Variants in HADHB observed in about 807,000 individuals in gnomAD.
HADHB encodes hydroxyacyl-CoA dehydrogenase trifunctional multienzyme complex subunit beta, also known as trifunctional enzyme subunit beta, mitochondrial.
HADHB carries 50 observed loss-of-function variants against 61.9 expected under a neutral mutation model. That is an observed-to-expected ratio of 0.81 (90% CI 0.64 to 1.02). HADHB has a LOEUF of 1.02. Among genes scored for constraint, HADHB ranks in the 50% least tolerant of loss-of-function variants. HADHB has a pLI of 0.00. For synonymous variants in HADHB, 191 were observed against 201.6 expected (o/e 0.95, Z 0.45); for missense variants, 504 against 586.5 (o/e 0.86, Z 1.45).
At position 26,284,944 on chromosome 2, in the gene HADHB, G is replaced by T. The variant is rs1385933339; in HGVS notation, c.1211G>T (p.Gly404Val). Residue 404 changes from glycine (G) to valine (V), a missense_variant, in exon 14 of 16, where the codon GGT becomes GTT. Transcript: ENST00000317799. ...GATTGGTTTGCAGAAAACTACATGGGTAGAAAAACCAAGGTGAGTTTCTAA... is the reference window on the plus strand; with the variant it reads ...GATTGGTTTGCAGAAAACTACATGGTTAGAAAAACCAAGGTGAGTTTCTAA... ...DSDWFAENYMGRKTKVGLPPL... is the reference protein window; with the variant it reads ...DSDWFAENYMVRKTKVGLPPL... 2 of 1,570,282 alleles carry T rather than the reference G, an allele frequency of 1.3e-6. No homozygotes were observed. Among genetic ancestry groups the T allele is most frequent in the African/African-American group, 1.3e-5 (1 of 74,080 alleles).
chr2:26,253,425 A>G (rs1671479281), intron 1 of HADHB, among the ~76,000 whole-genome samples: 1 of 152,184 alleles, frequency 6.6e-6, no homozygotes, highest in African/African-American at 2.4e-5. Context: ...AAAGCCTTCT[A>G]CATAATCATA....
chr2:26,283,987 C>G, intron 12 of HADHB, 130 bp from the exon 13 acceptor site: 1 of 666,048 alleles, frequency 1.5e-6, no homozygotes, highest in South Asian at 1.7e-5. Flanking sequence ...TTTCATTAAT[C>G]AGTACAGAAA....
intron 1 of HADHB, among the ~76,000 whole-genome samples, chr2:26,250,432 G>A (rs1014499084): frequency 2.6e-5 from 4 of 152,064 alleles, no homozygotes; most frequent in Admixed American, 2.6e-4. Context: ...ATTTTACTAT[G>A]TGTATATTTT....
chr2:26,274,371 G>A (rs934274129), intron 6 of HADHB, among the ~76,000 whole-genome samples: 1 of 152,192 alleles, frequency 6.6e-6, no homozygotes, highest in African/African-American at 2.4e-5. Context: ...ATTTAAAATC[G>A]ATTGGATGAA....
At chr2:26,245,808 C>G (rs1392624172) in intron 1 of HADHB, among the ~76,000 whole-genome samples, 1 of 152,080 alleles carries the variant, frequency 6.6e-6, no homozygotes, top group Non-Finnish European at 1.5e-5. Flanking sequence ...CACCTTCATA[C>G]CTTTTTGTTT....
chr2:26,276,278 T>C (rs991260575), intron 6 of HADHB, among the ~76,000 whole-genome samples: 6 of 152,258 alleles, frequency 3.9e-5, no homozygotes, highest in Admixed American at 2.6e-4. Flanking sequence ...TTAAAGCCGC[T>C]CAGATGACAA....
At chr2:26,269,917 G>A in intron 4 of HADHB, 36 bp from the exon 5 acceptor site, 3 of 1,469,808 alleles carry the variant, frequency 2.0e-6, no homozygotes, top group Non-Finnish European at 2.9e-6. Flanking sequence ...TGAAGCTCTA[G>A]GGTTTTGGTT....
intron 10 of HADHB, among the ~76,000 whole-genome samples, chr2:26,280,368 A>G (rs538007692): frequency 4.7e-4 from 72 of 152,224 alleles, no homozygotes; most frequent in Non-Finnish European, 6.6e-4. Flanking sequence ...AAAAACTTCT[A>G]TTGCTTATGG....
intron 4 of HADHB, among the ~76,000 whole-genome samples, chr2:26,267,269 T>G (rs758850764): frequency 9.2e-5 from 14 of 152,070 alleles, no homozygotes; most frequent in African/African-American, 1.2e-4. Context: ...GAAGAATGAT[T>G]AGGGCTGAGC....
Position 26,278,870 on chromosome 2 carries a change from C to T in HADHB, c.630+69C>T, listed in dbSNP as rs1359567271. ...ATTAGGTATGGCAGTGTGGACTCTG[C>T]TATGCTGTAATAGGTGTAGATTCTG... is the stretch of plus-strand genomic sequence containing the variant. On this transcript the variant is annotated intron_variant, in intron 8 of 15. Coordinates refer to ENST00000317799, the MANE Select transcript of HADHB (RefSeq NM_000183.3). The T allele has an allele frequency of 3.1e-6, 4 of 1,279,180 alleles. No homozygotes were observed. The African/African-American group carries it at 5.8e-5, about 19-fold the overall frequency. The allele number at this position is 1,279,180 out of a possible 1,614,324, so 79.2% of individuals were successfully genotyped here. A position where few individuals can be genotyped will look rare whatever the true frequency, so the allele number is the denominator to read the frequency against.
intron 1 of HADHB, among the ~76,000 whole-genome samples, chr2:26,253,177 T>G (rs1671468336): frequency 6.6e-6 from 1 of 152,210 alleles, no homozygotes; most frequent in African/African-American, 2.4e-5. Context: ...TGTTAGAAAT[T>G]TAGTCTTTTT....
intron 1 of HADHB, among the ~76,000 whole-genome samples, chr2:26,251,078 T>TTTTTTTTTTTTTTTTGAG (rs1553317741): frequency 6.7e-6 from 1 of 149,044 alleles, no homozygotes; most frequent in Non-Finnish European, 1.5e-5. Flanking sequence ...ACTAAATTCT[T>TTTTTTTTTTTTTTTTGAG]ACATACATGG....
intron 3 of HADHB, among the ~76,000 whole-genome samples, chr2:26,257,416 G>A (rs1455810784): frequency 3.3e-5 from 5 of 151,536 alleles, no homozygotes; most frequent in African/African-American, 7.3e-5. Context: ...CACCACACCC[G>A]GCCAAGAGCT....
At chr2:26,287,079 C>T (rs550867671) in intron 15 of HADHB, among the ~76,000 whole-genome samples, 1 of 151,952 alleles carries the variant, frequency 6.6e-6, no homozygotes, top group Admixed American at 6.5e-5. Flanking sequence ...TGGTGTGCGC[C>T]TGTAATTCCA....
chr2:26,285,739 G>GTTTTTTTTTTTTTTGTTTTTTTT (rs1553323308), intron 15 of HADHB, among the ~76,000 whole-genome samples, 168 bp downstream of exon 15: 8 of 65,082 alleles, frequency 1.2e-4, no homozygotes, highest in African/African-American at 2.0e-4. Flanking sequence ...TGTTTTTTGG[G>GTTTTTTTTTTTTTTGTTTTTTTT]TTTTTTTTTT....
chr2:26,245,820 G>A (rs1157317846), intron 1 of HADHB, among the ~76,000 whole-genome samples: 1 of 152,068 alleles, frequency 6.6e-6, no homozygotes, highest in African/African-American at 2.4e-5. Flanking sequence ...TTTTTGTTTA[G>A]TCCTCACATT....
chr2:26,267,788 A>AG (rs1558350094), intron 4 of HADHB, among the ~76,000 whole-genome samples: 1 of 151,614 alleles, frequency 6.6e-6, no homozygotes, highest in East Asian at 1.9e-4. Flanking sequence ...AAAAAAAAAA[A>AG]AGAGTAAATA....
rs1426206439 is a variant in HADHB at position 26,284,186 on chromosome 2, A to G, written c.1131A>G (p.Glu377=). The G allele has an allele frequency of 6.4e-7, 1 of 1,572,720 alleles. No homozygotes were observed. Among genetic ancestry groups the G allele is most frequent in the South Asian group, 1.1e-5 (1 of 90,232 alleles). Reference sequence around the variant, plus strand: ...CCATGAATGATATTGATGCTTTTGAATTTCATGAAGCTTTCTCGGTAAGTA... The same window carrying G: ...CCATGAATGATATTGATGCTTTTGAGTTTCATGAAGCTTTCTCGGTAAGTA... ...GLTMNDIDAF[E]FHEAFSGQIL... Residue 377 remains glutamate (E), a synonymous_variant, in exon 13 of 16, where the codon GAA becomes GAG. Coordinates refer to ENST00000317799, the MANE Select transcript of HADHB (RefSeq NM_000183.3).
intron 15 of HADHB, among the ~76,000 whole-genome samples, chr2:26,287,559 A>G (rs1558363495): frequency 1.3e-5 from 2 of 152,208 alleles, no homozygotes; most frequent in Non-Finnish European, 2.9e-5. Flanking sequence ...GGATGCTTTT[A>G]TGGATGAACA....
Sources: allele counts gnomAD v4.1 joint callset (sites outside exome capture counted in the v4.1 genomes callset), GRCh38; gene constraint gnomAD v4.1.1; transcripts MANE v1.5; gene names NCBI Gene and HGNC (gene_info 2026-07-23, HGNC 2026-07-21).